ABCB1: variants seen among roughly 807,000 people sequenced by gnomAD.
The protein encoded by ABCB1 is ATP binding cassette subfamily B member 1.
In ABCB1, 69 loss-of-function variants were observed where a neutral mutation model predicts 142.0. The ratio of observed to expected loss-of-function variants is 0.49; its 90% confidence interval spans 0.40 to 0.59. The LOEUF is 0.59. ABCB1 is among the 20% of genes least tolerant of loss of function. The pLI is 0.00. For synonymous variants in ABCB1, 532 were observed against 539.2 expected, an observed-to-expected ratio of 0.99 and a Z score of 0.18; for missense variants, 1,326 against 1,554.7, an observed-to-expected ratio of 0.85 and a Z score of 2.47.
intron 21 of ABCB1, among the ~76,000 whole-genome samples, chr7:87,528,822 G>A (rs922585108): frequency 2.0e-5 from 3 of 152,316 alleles, no homozygotes; most frequent in South Asian, 2.1e-4. Flanking sequence ...TCTCTGAAGA[G>A]GTAATAATTT....
chr7:87,526,778 T>G (rs1007619855), intron 21 of ABCB1, among the ~76,000 whole-genome samples: 4 of 152,190 alleles, frequency 2.6e-5, no homozygotes, highest in African/African-American at 9.7e-5. Context: ...CATGCCTTCT[T>G]GTTGTACAAC....
intron 8 of ABCB1, among the ~76,000 whole-genome samples, 158 bp from the exon 9 acceptor site, chr7:87,554,090 C>A (rs116906648): frequency 6.6e-6 from 1 of 152,308 alleles, no homozygotes; most frequent in East Asian, 1.9e-4. Context: ...TACTGTTTTA[C>A]TCCCTTTTTG....
Position 87,549,599 on chromosome 7 carries a change from C to A in ABCB1, c.1555-81G>T, listed in dbSNP as rs1191160874. 4.4e-6 allele frequency: 7 copies of A among 1,597,060 alleles called. No homozygotes were observed. In the East Asian group the frequency reaches 1.1e-4, roughly 25 times the overall value. ...TTTTAAATTGGTAAGGAATCCTATA[C>A]ACAGCCCAAGTCTCACAAGTAATAC... On this transcript the variant is annotated intron_variant, in intron 13 of 27. Transcript: ENST00000622132.
intron 1 of ABCB1, among the ~76,000 whole-genome samples, chr7:87,680,367 GA>G (rs1461983063): frequency 6.6e-6 from 1 of 150,802 alleles, no homozygotes; most frequent in African/African-American, 2.5e-5. Context: ...TGAACTGAAT[GA>G]AAAACTAAAA....
chr7:87,629,033 T>C (rs1820916380), intron 1 of ABCB1: 8 of 1,198,468 alleles, frequency 6.7e-6, no homozygotes, highest in Non-Finnish European at 7.4e-6. Context: ...GTCCCGGGCA[T>C]GATGGGCTGC....
In ABCB1 at chr7:87,711,226, G is replaced by A. The variant is rs557235940; in HGVS notation, c.-331+1935C>T. On this transcript the variant is annotated intron_variant, in intron 1 of 28. Transcript: ENST00000265724. ...CTGTAATCCCAGCTACTCGGGAGGC[G>A]GAGGTAGGAGAATAGTTTGAACCCA... 6.6e-5 allele frequency among the ~76,000 whole-genome samples: 10 copies of A among 151,992 alleles called. No individual in the cohort carries two copies. The East Asian group carries it at 7.7e-4, about 12-fold the overall frequency.
At chr7:87,558,213 G>A (rs966742137) in intron 8 of ABCB1, among the ~76,000 whole-genome samples, 1 of 152,166 alleles carries the variant, frequency 6.6e-6, no homozygotes, top group African/African-American at 2.4e-5. Flanking sequence ...CATAAATCCT[G>A]CCTGATAGAA....
upstream of ABCB1, chr7:87,603,029 C>T (rs1390708325): frequency 2.0e-5 from 3 of 152,188 alleles, no homozygotes; most frequent in Non-Finnish European, 4.4e-5. Flanking sequence ...GAAGTGACTG[C>T]CACAATCTGC....
intron 3 of ABCB1, among the ~76,000 whole-genome samples, chr7:87,590,295 G>A (rs1361323148): frequency 1.3e-5 from 2 of 152,176 alleles, no homozygotes; most frequent in Non-Finnish European, 2.9e-5. Flanking sequence ...TGCTATGAAA[G>A]TTCCAGGCAC....
chr7:87,596,992 A>C lies in ABCB1; in HGVS notation c.69-1178T>G, dbSNP rs181785125. Among the ~76,000 whole-genome samples the C allele has an allele frequency of 3.8e-3, 573 of 152,188 alleles. 8 individuals carry two copies. Among genetic ancestry groups the C allele is most frequent in the African/African-American group, 0.013 (537 of 41,542 alleles). ...CTGGAGAAGTTATAATGTTCCAGGC[A>C]CTGGCTAAGTAAGCACTTCCCACAC... On this transcript the variant is annotated intron_variant, in intron 2 of 27. Coordinates refer to ENST00000622132, the MANE Select transcript of ABCB1 (RefSeq NM_001348946.2).
chr7:87,615,648 A>T (rs926073786), intron 1 of ABCB1, among the ~76,000 whole-genome samples: 3 of 152,190 alleles, frequency 2.0e-5, no homozygotes, highest in African/African-American at 7.2e-5. Flanking sequence ...TAGACTCTGG[A>T]TATATTTTGA....
chr7:87,594,819 T>C (rs557115216), intron 3 of ABCB1, among the ~76,000 whole-genome samples: 6 of 152,300 alleles, frequency 3.9e-5, no homozygotes, highest in African/African-American at 1.4e-4. Context: ...TTTCCCTACC[T>C]ACAACTATTT....
At chr7:87,557,873 T>A (rs147690884) in intron 8 of ABCB1, among the ~76,000 whole-genome samples, 3,814 of 152,314 alleles carry the variant, frequency 0.025, 80 homozygotes, top group Non-Finnish European at 0.039. Context: ...AAATTTAAGA[T>A]GTCTTTAATT....
intron 1 of ABCB1, among the ~76,000 whole-genome samples, chr7:87,697,207 A>T (rs946933328): frequency 5.3e-5 from 8 of 152,160 alleles, no homozygotes; most frequent in Non-Finnish European, 1.2e-4. Context: ...ACCTATTTGG[A>T]TTACCACTAT....
intron 1 of ABCB1, among the ~76,000 whole-genome samples, chr7:87,613,886 A>C (rs908968633): frequency 2.0e-5 from 3 of 152,176 alleles, no homozygotes; most frequent in Non-Finnish European, 4.4e-5. Flanking sequence ...CTTAGCCATA[A>C]AACCTATGTT....
intron 1 of ABCB1, among the ~76,000 whole-genome samples, chr7:87,638,895 G>A: frequency 6.6e-6 from 1 of 152,098 alleles, no homozygotes; most frequent in East Asian, 1.9e-4. Flanking sequence ...GCTCACACCT[G>A]TAATCCCAGC....
intron 1 of ABCB1, among the ~76,000 whole-genome samples, chr7:87,656,430 C>T (rs913831934): frequency 8.6e-5 from 13 of 151,806 alleles, no homozygotes; most frequent in South Asian, 4.2e-4. Context: ...AGGACTGGAA[C>T]GATGCAGAGA....
chr7:87,699,457 G>A (rs1292664498), intron 1 of ABCB1, among the ~76,000 whole-genome samples: 1 of 152,082 alleles, frequency 6.6e-6, no homozygotes, highest in African/African-American at 2.4e-5. Context: ...AGGCTGGGGT[G>A]CAGTGGCTCA....
At chr7:87,692,012 G>A (rs549351235) in intron 1 of ABCB1, among the ~76,000 whole-genome samples, 6 of 152,216 alleles carry the variant, frequency 3.9e-5, no homozygotes, top group African/African-American at 1.4e-4. Flanking sequence ...GTCTAGAATG[G>A]TTTAATCGTA....
Sources: gnomAD v4.1 joint callset for allele counts (sites outside exome capture counted in the v4.1 genomes callset) on GRCh38, gnomAD v4.1.1 for gene constraint, MANE v1.5 for transcripts, NCBI Gene and HGNC (gene_info 2026-07-23, HGNC 2026-07-21) for gene names.